The following SLC38A11 variants were observed in gnomAD, a reference collection of about 807,000 sequenced individuals.
SLC38A11 encodes the protein solute carrier family 38 member 11, also known as putative sodium-coupled neutral amino acid transporter 11.
SLC38A11 carries 51 observed loss-of-function variants against 49.4 expected under a neutral mutation model. The ratio of observed to expected loss-of-function variants is 1.03; its 90% confidence interval spans 0.83 to 1.30. SLC38A11 has a LOEUF of 1.30. Among genes scored for constraint, SLC38A11 ranks in the 50% most tolerant of loss-of-function variants. The pLI is 0.00. For synonymous variants in SLC38A11, 203 were observed against 192.9 expected (o/e 1.05, Z -0.43); for missense variants, 574 against 556.2 (o/e 1.03, Z -0.32).
intron 11 of SLC38A11, among the ~76,000 whole-genome samples, chr2:164,902,642 T>C (rs1382004340): frequency 1.3e-5 from 2 of 152,136 alleles, no homozygotes; most frequent in Non-Finnish European, 2.9e-5. Flanking sequence ...TGATGTAAAA[T>C]TATAAATTGT....
At chr2:164,945,255 C>CT (rs35471502) in intron 4 of SLC38A11, among the ~76,000 whole-genome samples, 35,723 of 138,564 alleles carry the variant, frequency 0.26, 5,072 homozygotes, top group South Asian at 0.44. Context: ...AAATCCTTTG[C>CT]TTTTTTTTTT....
intron 5 of SLC38A11, among the ~76,000 whole-genome samples, chr2:164,943,499 A>T (rs1687917033): frequency 1.3e-5 from 2 of 152,230 alleles, no homozygotes; most frequent in South Asian, 4.1e-4. Flanking sequence ...GACTCAAAAA[A>T]GCTACATATG....
At chr2:164,950,904 T>C (rs897088216) in intron 3 of SLC38A11, among the ~76,000 whole-genome samples, 1 of 152,176 alleles carries the variant, frequency 6.6e-6, no homozygotes, top group African/African-American at 2.4e-5. Context: ...GATTTTGCTC[T>C]TAAAAGTCTA....
intron 7 of SLC38A11, among the ~76,000 whole-genome samples, chr2:164,923,782 G>T (rs1686374890): frequency 6.6e-6 from 1 of 151,020 alleles, no homozygotes; most frequent in African/African-American, 2.5e-5. Context: ...GGATGAGAGA[G>T]CAAGACCCTG....
intron 7 of SLC38A11, among the ~76,000 whole-genome samples, chr2:164,936,293 G>T (rs1385000325): frequency 3.3e-5 from 5 of 152,042 alleles, no homozygotes; most frequent in Non-Finnish European, 5.9e-5. Context: ...CAATTAGCTT[G>T]AGGCCTTTTT....
intron 10 of SLC38A11, among the ~76,000 whole-genome samples, chr2:164,911,001 A>G (rs1685360023): frequency 6.6e-6 from 1 of 151,876 alleles, no homozygotes; most frequent in Admixed American, 6.6e-5. Flanking sequence ...ATTTATATGT[A>G]AATAATATCC....
intron 7 of SLC38A11, among the ~76,000 whole-genome samples, chr2:164,917,542 T>C (rs1022985084): frequency 6.6e-6 from 1 of 152,106 alleles, no homozygotes. Context: ...GCAGCATACC[T>C]GTTAAATTCC....
intron 11 of SLC38A11, among the ~76,000 whole-genome samples, chr2:164,901,700 T>C (rs1223757729): frequency 6.6e-6 from 1 of 152,134 alleles, no homozygotes; most frequent in Non-Finnish European, 1.5e-5. Flanking sequence ...CATCGGCAAA[T>C]AGAAATAACT....
At chr2:164,899,579 T>G (rs1023653251) in intron 11 of SLC38A11, among the ~76,000 whole-genome samples, 1 of 152,150 alleles carries the variant, frequency 6.6e-6, no homozygotes, top group Admixed American at 6.6e-5. Context: ...CTAATTACGT[T>G]AGATTTTAAT....
Position 164,897,938 on chromosome 2 carries a change from A to G in SLC38A11, c.*499T>C, listed in dbSNP as rs1163487446. ...GGATCCATTTCCCTTTAAACAAAGG[A>G]TGCTGCTGAAATTATAACGGAGAGC... On this transcript the variant is annotated 3_prime_UTR_variant, in exon 12 of 12. Transcript: ENST00000685975. 1.3e-5 allele frequency: 2 copies of G among 152,796 alleles called. No individual in the cohort carries two copies. The highest frequency in any genetic ancestry group is 2.1e-4 in the South Asian group (1 of 4,856). 9.5% of individuals were successfully genotyped at this position (152,796 alleles called of 1,614,324 possible).
intron 7 of SLC38A11, among the ~76,000 whole-genome samples, chr2:164,925,961 C>T (rs1686548310): frequency 6.6e-6 from 1 of 152,168 alleles, no homozygotes; most frequent in African/African-American, 2.4e-5. Context: ...CCCTAGGTAA[C>T]TCCTGTACCC....
In SLC38A11 at chr2:164,911,628, G is replaced by A. The variant is rs200528407; in HGVS notation, c.963+8C>T. ...CTGGGTAAAGCGTTGGGAAGGAACC[G>A]CGCTTACCTCTCTTGTCACAAAGCA... On this transcript the variant is annotated splice_region_variant and intron_variant, in intron 10 of 11. Coordinates refer to ENST00000685975, the MANE Select transcript of SLC38A11 (RefSeq NM_001351537.2). 32 of 1,483,236 alleles carry A rather than the reference G, an allele frequency of 2.2e-5. No homozygotes were observed. The Admixed American group carries it at 2.6e-4, about 12-fold the overall frequency. The allele number at this position is 1,483,236 out of a possible 1,614,324, so 91.9% of individuals were successfully genotyped here. A position where few individuals can be genotyped will look rare whatever the true frequency, so the allele number is the denominator to read the frequency against.
At chr2:164,911,909 A>G (rs1685433524) in intron 9 of SLC38A11, 161 bp from the exon 10 acceptor site, 1 of 469,692 alleles carries the variant, frequency 2.1e-6, no homozygotes, top group Non-Finnish European at 3.8e-6. Flanking sequence ...ATGTTTAGAT[A>G]CATAAATACT....
At position 164,915,095 on chromosome 2, in the gene SLC38A11, T is replaced by C; in HGVS notation, c.850+17A>G. On this transcript the variant is annotated intron_variant, in intron 9 of 11. Coordinates refer to ENST00000685975, the MANE Select transcript of SLC38A11 (RefSeq NM_001351537.2). ...TACCAATGCACATGAACACTATAAC[T>C]GAATCTCTCATTTTACCTTGGGTGA... 2 of 1,597,750 alleles carry C rather than the reference T, an allele frequency of 1.3e-6. No homozygotes were observed. The highest frequency in any genetic ancestry group is 1.1e-5 in the South Asian group (1 of 88,004).
At position 164,939,452 on chromosome 2, in the gene SLC38A11, T is replaced by C; in HGVS notation, c.535A>G (p.Lys179Glu). The C allele has an allele frequency of 6.2e-7, 1 of 1,600,258 alleles. No individual in the cohort carries two copies. The highest frequency in any genetic ancestry group is 8.5e-7 in the Non-Finnish European group (1 of 1,170,806). The change falls in exon 6 of 12, where the codon AAG becomes GAG. Residue 179 changes from lysine (K) to glutamate (E), a missense_variant and splice_region_variant. Physicochemically the swap from Lys to Glu is moderately conservative, Grantham distance 56. Transcript: ENST00000685975. The part of the protein sequence containing the change: ...SLYRNIAKLG[K>E]VSLISTGLTT... ...CCCATTTAAAATGTAAAAATTACCT[T>C]TCCAAGCTTTGCTATATTTCGGTAC... is the stretch of plus-strand genomic sequence containing the variant.
At chr2:164,901,863 C>T (rs1684672461) in intron 11 of SLC38A11, among the ~76,000 whole-genome samples, 1 of 151,946 alleles carries the variant, frequency 6.6e-6, no homozygotes, top group Non-Finnish European at 1.5e-5. Context: ...CAGTTGTTTC[C>T]TATTAATTGT....
In SLC38A11 at chr2:164,937,353, T is replaced by C; in HGVS notation, c.614A>G (p.His205Arg). The C allele has an allele frequency of 6.2e-7, 1 of 1,603,096 alleles. No homozygotes were observed. The highest frequency in any genetic ancestry group is 1.1e-5 in the South Asian group (1 of 90,850). The change falls in exon 7 of 12, where the codon CAC becomes CGC. Residue 205 changes from histidine to arginine, a missense_variant. By Grantham distance (29) the His-to-Arg change is conservative. Transcript: ENST00000685975. ...CAAATATAACAACATAACTTACATG[T>C]GTGGACCCAGTGAAATTGCCCTTGC... ...VMARAISLGP[H>R]IPKTEDAWVF...
At chr2:164,916,678 C>T (rs1036857505) in intron 7 of SLC38A11, among the ~76,000 whole-genome samples, 4 of 152,090 alleles carry the variant, frequency 2.6e-5, no homozygotes, top group Admixed American at 2.6e-4. Flanking sequence ...GCCTCAAATT[C>T]CCAACTGTAG....
At chr2:164,953,901 C>T (rs1487480647) in intron 2 of SLC38A11, among the ~76,000 whole-genome samples, 1 of 152,058 alleles carries the variant, frequency 6.6e-6, no homozygotes, top group Non-Finnish European at 1.5e-5. Context: ...ATAATAACCA[C>T]TGAAAATATA....
Sources: allele counts gnomAD v4.1 joint callset (sites outside exome capture counted in the v4.1 genomes callset), GRCh38; gene constraint gnomAD v4.1.1; transcripts MANE v1.5; gene names NCBI Gene and HGNC (gene_info 2026-07-23, HGNC 2026-07-21).